The following NBEA variants were observed in gnomAD, a reference collection of about 807,000 sequenced individuals.
The protein encoded by NBEA is lysosomal-trafficking regulator 2.
A neutral mutation model predicts 343.4 loss-of-function variants in NBEA; 44 were observed. The observed-to-expected ratio is 0.13, with a 90% CI of 0.10 to 0.16. The LOEUF is 0.16. Ranked by LOEUF, NBEA falls within the 10% of genes least tolerant of loss-of-function variation. The probability of loss-of-function intolerance (pLI) is 1.00; values close to 1 mark genes in which losing one functional copy is unlikely to be tolerated. For missense variants in NBEA, 2,555 were observed against 3,631.3 expected (o/e 0.70, Z 7.62); for synonymous variants, 1,175 against 1,238.7 (o/e 0.95, Z 1.08).
intron 35 of NBEA, among the ~76,000 whole-genome samples, chr13:35,304,081 GAC>G (rs1229355078): frequency 1.2e-4 from 18 of 152,094 alleles, no homozygotes; most frequent in Non-Finnish European, 2.4e-4. Flanking sequence ...ATGAGAATGT[GAC>G]ACAGTCCCAC....
At chr13:35,025,279 A>G (rs961404238) in intron 1 of NBEA, among the ~76,000 whole-genome samples, 1 of 151,900 alleles carries the variant, frequency 6.6e-6, no homozygotes, top group Non-Finnish European at 1.5e-5. Context: ...TATTTCTTAG[A>G]TTTTTCTTCT....
chr13:35,356,421 T>C (rs1222715594), intron 38 of NBEA, among the ~76,000 whole-genome samples: 2 of 152,212 alleles, frequency 1.3e-5, no homozygotes, highest in Non-Finnish European at 1.5e-5. Context: ...TTGGTTTTTG[T>C]ATAAATTATC....
chr13:35,651,203 A>C (rs576549824), intron 52 of NBEA, among the ~76,000 whole-genome samples: 2 of 152,360 alleles, frequency 1.3e-5, no homozygotes, highest in East Asian at 3.9e-4. Context: ...GAACTTCATC[A>C]AGCTCTAAAC....
rs1238607575 is a variant in NBEA, at chr13:35,089,409, A to C, written c.1572-8888A>C. On this transcript the variant is annotated intron_variant, in intron 10 of 58. Transcript: ENST00000379939. The stretch of plus-strand genomic sequence containing the variant: ...GGCAATCATTAAAAAGTCAGGAAAC[A>C]ACAGGTGCTGGAGAGGATGTGGAGA... Among the ~76,000 whole-genome samples, 878 of 143,018 alleles carry C rather than the reference A, an allele frequency of 6.1e-3. 6 individuals are homozygous for C. Among genetic ancestry groups the C allele is most frequent in the African/African-American group, 0.022 (827 of 38,198 alleles). The allele number at this position is 143,018 out of a possible 152,430, so 93.8% of individuals were successfully genotyped here. A position where few individuals can be genotyped will look rare whatever the true frequency, so the allele number is the denominator to read the frequency against.
chr13:35,086,863 A>G (rs1017115498), intron 10 of NBEA, among the ~76,000 whole-genome samples: 7 of 151,904 alleles, frequency 4.6e-5, no homozygotes, highest in African/African-American at 1.7e-4. Flanking sequence ...TTGATGCCTC[A>G]TTGTGGTTTA....
intron 41 of NBEA, among the ~76,000 whole-genome samples, chr13:35,523,258 G>C (rs1026725459): frequency 6.6e-6 from 1 of 152,114 alleles, no homozygotes; most frequent in Non-Finnish European, 1.5e-5. Flanking sequence ...TATAAGAAAT[G>C]AAAGTCTTCA....
chr13:35,153,406 C>A (rs1369430660), intron 18 of NBEA, among the ~76,000 whole-genome samples: 1 of 152,042 alleles, frequency 6.6e-6, no homozygotes, highest in East Asian at 1.9e-4. Flanking sequence ...GCCTCCAGAA[C>A]AATAATTAAA....
chr13:35,156,579 T>C (rs2069189386), intron 20 of NBEA, among the ~76,000 whole-genome samples: 1 of 152,168 alleles, frequency 6.6e-6, no homozygotes, highest in Non-Finnish European at 1.5e-5. Context: ...GGCCGAATGT[T>C]GTGCATTTTT....
intron 48 of NBEA, 66 bp from the exon 49 acceptor site, chr13:35,628,015 A>C (rs2083300857): frequency 8.1e-7 from 1 of 1,240,038 alleles, no homozygotes; most frequent in East Asian, 2.6e-5. Flanking sequence ...AGTAAAAAAA[A>C]AATAAAAGGA....
rs370677422 is a variant in NBEA at position 35,329,111 on chromosome 13, C to T, written c.5903+19519C>T. On this transcript the variant is annotated intron_variant, in intron 36 of 58. Transcript: ENST00000379939. The stretch of plus-strand genomic sequence containing the variant: ...TGAAAAAATGTTCCACCTTATTAGT[C>T]GTTTGGCAAATTCAGTTTCAAACCA... 3.5e-4 allele frequency among the ~76,000 whole-genome samples: 53 copies of T among 151,956 alleles called. No individual in the cohort carries two copies. The East Asian group carries it at 4.3e-3, about 12-fold the overall frequency.
intron 49 of NBEA, among the ~76,000 whole-genome samples, chr13:35,638,432 G>A (rs1215460595): frequency 6.6e-6 from 1 of 152,212 alleles, no homozygotes; most frequent in East Asian, 1.9e-4. Flanking sequence ...AAGAGCTGTG[G>A]CCTTAGGTAG....
intron 1 of NBEA, among the ~76,000 whole-genome samples, chr13:34,953,944 C>T (rs376097911): frequency 2.2e-3 from 334 of 152,274 alleles, no homozygotes; most frequent in Middle Eastern, 6.8e-3. Context: ...CTAGGTTGTG[C>T]GCTCCTTATG....
chr13:35,475,189 G>T (rs1231904408), intron 41 of NBEA: 1 of 1,614,022 alleles, frequency 6.2e-7, no homozygotes, highest in Non-Finnish European at 8.5e-7. Flanking sequence ...AAAGTAGTGG[G>T]GACACCGCCG....
chr13:35,296,119 C>T (rs2036111033), intron 35 of NBEA, among the ~76,000 whole-genome samples: 1 of 152,026 alleles, frequency 6.6e-6, no homozygotes, highest in East Asian at 1.9e-4. Flanking sequence ...AGCCTGATCG[C>T]GGTGGCTCAC....
chr13:35,672,096 A>G lies in NBEA; in HGVS notation c.*1105A>G, dbSNP rs403904. The G allele has an allele frequency of 0.36, 54,775 of 152,550 alleles. 10,530 individuals are homozygous for G. The highest frequency in any genetic ancestry group is 0.51 in the Middle Eastern group (149 of 294). 9.4% of individuals were successfully genotyped at this position (152,550 alleles called of 1,614,324 possible). ...GAAAGCCACATTCTTAGCCTAAGGCATTTCATCTTTTATGATATAAAATGA... is the reference window on the plus strand; with the variant it reads ...GAAAGCCACATTCTTAGCCTAAGGCGTTTCATCTTTTATGATATAAAATGA... On this transcript the variant is annotated 3_prime_UTR_variant, in exon 59 of 59. Coordinates refer to ENST00000379939, the MANE Select transcript of NBEA (RefSeq NM_001385012.1).
intron 34 of NBEA, among the ~76,000 whole-genome samples, chr13:35,258,666 T>A (rs1375977684): frequency 2.0e-5 from 3 of 152,152 alleles, no homozygotes; most frequent in Non-Finnish European, 4.4e-5. Context: ...GTTGATAATG[T>A]TGGTGTTTAT....
intron 44 of NBEA, among the ~76,000 whole-genome samples, chr13:35,555,871 C>T (rs1047677306): frequency 2.0e-5 from 3 of 151,996 alleles, no homozygotes; most frequent in South Asian, 2.1e-4. Context: ...TGCTCACAAC[C>T]GTGTATTTAG....
chr13:34,946,414 A>T (rs1466773161), intron 1 of NBEA, among the ~76,000 whole-genome samples: 1 of 152,136 alleles, frequency 6.6e-6, no homozygotes, highest in Non-Finnish European at 1.5e-5. Flanking sequence ...TGCTTATAAC[A>T]TGGAAGTTTC....
In NBEA at chr13:35,308,241, C is replaced by T. The variant is rs565527249; in HGVS notation, c.5839-1287C>T. ...GACTGTGTTTTTTGTGAAGCTGAAC[C>T]CATGGCCAGGGCAGCTGATCACCTC... On this transcript the variant is annotated intron_variant, in intron 35 of 58. Transcript: ENST00000379939. Among the ~76,000 whole-genome samples, 5 of 151,096 alleles carry T rather than the reference C, an allele frequency of 3.3e-5. No individual in the cohort carries two copies. The South Asian group carries it at 8.3e-4, about 25-fold the overall frequency.
Sources: allele counts gnomAD v4.1 joint callset (sites outside exome capture counted in the v4.1 genomes callset), GRCh38; gene constraint gnomAD v4.1.1; transcripts MANE v1.5; gene names NCBI Gene and HGNC (gene_info 2026-07-23, HGNC 2026-07-21).